Variants in RERE observed in about 807,000 individuals in gnomAD.
The protein encoded by RERE is arginine-glutamic acid dipeptide repeats.
A neutral mutation model predicts 146.1 loss-of-function variants in RERE; 40 were observed. The observed-to-expected ratio is 0.27, with a 90% CI of 0.21 to 0.36. The LOEUF (loss-of-function observed/expected upper bound fraction) is 0.36, where lower values mean the gene tolerates loss of function less well. RERE is among the 10% of genes least tolerant of loss of function. The pLI, the probability that RERE is intolerant of heterozygous loss-of-function variation, is 1.00. For synonymous variants in RERE, 1,003 were observed against 866.0 expected (o/e 1.16, Z -2.78); for missense variants, 1,933 against 2,138.7 (o/e 0.90, Z 1.90).
At chr1:8,677,352 G>T (rs1423089416) in intron 1 of RERE, among the ~76,000 whole-genome samples, 2 of 151,128 alleles carry the variant, frequency 1.3e-5, no homozygotes, top group African/African-American at 2.4e-5. Context: ...CTTAAACCCG[G>T]GAGGCAGAGG....
At chr1:8,401,801 T>C (rs955562023) in intron 12 of RERE, among the ~76,000 whole-genome samples, 2 of 152,022 alleles carry the variant, frequency 1.3e-5, no homozygotes, top group Admixed American at 6.5e-5. Flanking sequence ...TGAATGTGAA[T>C]TGGACTTAGT....
Position 8,360,956 on chromosome 1 carries a change from G to A in RERE, c.2551C>T (p.Pro851Ser), listed in dbSNP as rs1448686484. The stretch of plus-strand genomic sequence containing the variant: ...GCCTGCAGGCTGTGAGGGCCGGGTG[G>A]GCCCTGACCGTGCAGTGGGGGCTGG... Reference protein sequence around the residue: ...HAQPPLHGQGPPGPHSLQAGP... With the variant: ...HAQPPLHGQGSPGPHSLQAGP... Residue 851 changes from proline (P) to serine (S), a missense_variant, in exon 18 of 23, where the codon CCA becomes TCA. By Grantham distance (74) the Pro-to-Ser change is moderately conservative. This residue lies in a region of RERE where 1,255 missense variants were observed against 1,153.8 expected (regional missense o/e 1.09). Transcript: ENST00000400908. 4 of 1,453,712 alleles carry A rather than the reference G, an allele frequency of 2.8e-6. No homozygotes were observed. The highest frequency in any genetic ancestry group is 3.6e-6 in the Non-Finnish European group (4 of 1,110,936). The allele number at this position is 1,453,712 out of a possible 1,614,324, so 90.1% of individuals were successfully genotyped here.
At chr1:8,669,799 A>C (rs1444648885) in intron 1 of RERE, among the ~76,000 whole-genome samples, 1 of 152,226 alleles carries the variant, frequency 6.6e-6, no homozygotes, top group African/African-American at 2.4e-5. Context: ...GCAAAGCTCT[A>C]AGATTCAAAG....
intron 15 of RERE, 181 bp downstream of exon 15, chr1:8,363,875 G>A: frequency 1.6e-6 from 1 of 621,802 alleles, no homozygotes; most frequent in South Asian, 2.0e-5. Context: ...CCCCTCGAAG[G>A]AGAGAACAGA....
chr1:8,656,550 G>A (rs866225433), intron 1 of RERE, 109 bp from the exon 2 acceptor site: 5 of 458,790 alleles, frequency 1.1e-5, no homozygotes, highest in Middle Eastern at 5.9e-4. Flanking sequence ...TAAAAACTTC[G>A]CACAAGCCAC....
At chr1:8,758,159 C>T (rs1029840027) in intron 1 of RERE, among the ~76,000 whole-genome samples, 3 of 151,976 alleles carry the variant, frequency 2.0e-5, no homozygotes, top group African/African-American at 4.8e-5. Flanking sequence ...GATCCCAGCT[C>T]ACTGCAACCT....
At chr1:8,481,655 C>G (rs1209722586) in intron 10 of RERE, among the ~76,000 whole-genome samples, 2 of 152,152 alleles carry the variant, frequency 1.3e-5, no homozygotes, top group African/African-American at 4.8e-5. Flanking sequence ...ATTTTATAAT[C>G]AGGAAGCTGA....
At chr1:8,781,354 C>G (rs1641161323) in intron 1 of RERE, among the ~76,000 whole-genome samples, 1 of 132,700 alleles carries the variant, frequency 7.5e-6, no homozygotes, top group Non-Finnish European at 1.7e-5. Context: ...AAGACTCCGT[C>G]TCAAAAAAAA....
intron 1 of RERE, among the ~76,000 whole-genome samples, chr1:8,685,339 C>CTAAT (rs1639061053): frequency 6.6e-6 from 1 of 152,198 alleles, no homozygotes; most frequent in African/African-American, 2.4e-5. Flanking sequence ...TAACAATTAT[C>CTAAT]ATTACTTCCT....
At chr1:8,376,101 G>A (rs1642238155) in intron 12 of RERE, among the ~76,000 whole-genome samples, 1 of 152,196 alleles carries the variant, frequency 6.6e-6, no homozygotes, top group Non-Finnish European at 1.5e-5. Context: ...CTTAGACTCT[G>A]CTGTGCTGCT....
chr1:8,583,987 A>G (rs180686183), intron 4 of RERE, among the ~76,000 whole-genome samples: 7 of 152,200 alleles, frequency 4.6e-5, no homozygotes, highest in Admixed American at 2.0e-4. Context: ...ATAAAAAACA[A>G]AAAACTATAA....
chr1:8,757,559 CTGT>C (rs1640666672), intron 1 of RERE, among the ~76,000 whole-genome samples: 1 of 152,204 alleles, frequency 6.6e-6, no homozygotes, highest in Non-Finnish European at 1.5e-5. Flanking sequence ...GATAAGCTCA[CTGT>C]TGTTGCTGGT....
At chr1:8,665,486 T>C (rs1291190793) in intron 1 of RERE, among the ~76,000 whole-genome samples, 2 of 152,126 alleles carry the variant, frequency 1.3e-5, no homozygotes, top group African/African-American at 4.8e-5. Flanking sequence ...TGATGAGACT[T>C]GTGTTGGGGA....
intron 4 of RERE, among the ~76,000 whole-genome samples, chr1:8,595,683 A>C (rs79315887): frequency 0.021 from 3,161 of 152,324 alleles, 106 homozygotes; most frequent in African/African-American, 0.073. Flanking sequence ...AAAAATCCTT[A>C]AAGATCATTA....
At chr1:8,578,602 GCATCTATCA>G (rs1487937403) in intron 4 of RERE, among the ~76,000 whole-genome samples, 1 of 151,968 alleles carries the variant, frequency 6.6e-6, no homozygotes, top group Non-Finnish European at 1.5e-5. Flanking sequence ...ACCAGCCAGA[GCATCTATCA>G]CTAATATTAA....
intron 3 of RERE, among the ~76,000 whole-genome samples, chr1:8,620,704 G>A (rs1237242538): frequency 2.0e-5 from 3 of 151,828 alleles, no homozygotes; most frequent in South Asian, 2.1e-4. Context: ...TCTACAGTGC[G>A]AAGCGACCTT....
chr1:8,637,014 A>G lies in RERE; in HGVS notation c.326-12634T>C, dbSNP rs141641427. On this transcript the variant is annotated intron_variant, in intron 2 of 22. Transcript: ENST00000400908. ...TTTAAATTTCATCCATTAAATTTAAATTTCTAGATGCCCTAGTGGCATCCA... is the reference window on the plus strand; with the variant it reads ...TTTAAATTTCATCCATTAAATTTAAGTTTCTAGATGCCCTAGTGGCATCCA... 2.3e-4 allele frequency among the ~76,000 whole-genome samples: 35 copies of G among 152,340 alleles called. No individual in the cohort carries two copies. In the East Asian group the frequency reaches 6.2e-3, roughly 27 times the overall value.
intron 8 of RERE, among the ~76,000 whole-genome samples, chr1:8,498,226 G>A (rs981533708): frequency 6.6e-6 from 1 of 152,128 alleles, no homozygotes; most frequent in African/African-American, 2.4e-5. Flanking sequence ...GAGCACGGTG[G>A]CGGGCGCCTA....
intron 12 of RERE, among the ~76,000 whole-genome samples, chr1:8,384,306 T>C (rs752036905): frequency 6.6e-6 from 1 of 152,220 alleles, no homozygotes; most frequent in African/African-American, 2.4e-5. Context: ...TAGTTTTTTC[T>C]TGTGGGATAC....
Sources: gnomAD v4.1 joint callset for allele counts (sites outside exome capture counted in the v4.1 genomes callset) on GRCh38, gnomAD v4.1.1 for gene constraint, gnomAD v4.1.1 regional missense constraint, MANE v1.5 for transcripts, NCBI Gene and HGNC (gene_info 2026-07-23, HGNC 2026-07-21) for gene names.